Variants in DMD observed in about 807,000 individuals in gnomAD.
The protein encoded by DMD is mutant dystrophin.
A neutral mutation model predicts 330.1 loss-of-function variants in DMD; 63 were observed. The observed-to-expected ratio is 0.19, with a 90% CI of 0.16 to 0.24. DMD has a LOEUF of 0.24. Among genes scored for constraint, DMD ranks in the 10% least tolerant of loss-of-function variants. DMD has a pLI of 1.00. For missense variants in DMD, 3,344 were observed against 2,684.1 expected, an observed-to-expected ratio of 1.25 and a Z score of -5.43; for synonymous variants, 1,223 against 959.8, an observed-to-expected ratio of 1.27 and a Z score of -5.07.
At chrX:32,468,159 T>C (rs192280265) in intron 23 of DMD, among the ~76,000 whole-genome samples, 442 of 110,568 alleles carry the variant, frequency 4.0e-3, no homozygotes, top group African/African-American at 0.01. Flanking sequence ...ATAACTTTTT[T>C]CTAGTCATAA....
At chrX:32,171,941 C>T (rs941460195) in intron 44 of DMD, among the ~76,000 whole-genome samples, 2 of 111,336 alleles carry the variant, frequency 1.8e-5, no homozygotes, top group African/African-American at 3.3e-5. Context: ...AATCAAATTC[C>T]TCTTAATGTC....
chrX:32,505,078 C>G (rs1883635884), intron 18 of DMD, among the ~76,000 whole-genome samples: 1 of 111,210 alleles, frequency 9.0e-6, no homozygotes, highest in South Asian at 3.8e-4. Flanking sequence ...TAGCAGATAG[C>G]AGTGGAGAAA....
At chrX:33,232,557 T>G (rs1252649664) in intron 1 of DMD, among the ~76,000 whole-genome samples, 1 of 111,557 alleles carries the variant, frequency 9.0e-6, no homozygotes, top group Non-Finnish European at 1.9e-5. Flanking sequence ...AAGTTCAACT[T>G]CACTTGGTTG....
At chrX:32,313,301 C>A (rs1200910650) in intron 41 of DMD, among the ~76,000 whole-genome samples, 3 of 111,129 alleles carry the variant, frequency 2.7e-5, no homozygotes, top group African/African-American at 9.8e-5. Flanking sequence ...ACCAAAAAAA[C>A]CACATGATTA....
rs150077240 is a variant in DMD at position 33,081,679 on chromosome X, A to C, written c.32-61479T>G. 7.9e-3 allele frequency among the ~76,000 whole-genome samples: 887 copies of C among 111,968 alleles called. 8 individuals are homozygous for C. Among genetic ancestry groups the C allele is most frequent in the African/African-American group, 0.028 (851 of 30,837 alleles). On this transcript the variant is annotated intron_variant, in intron 1 of 78. Transcript: ENST00000357033. ...TCATGGGAGTCTGATCTCCCAGTGG[A>C]GGGTGAGGAATGTTTCCTTATCTTC...
intron 50 of DMD, among the ~76,000 whole-genome samples, chrX:31,815,632 C>T (rs2092605921): frequency 9.0e-6 from 1 of 111,383 alleles, no homozygotes; most frequent in Non-Finnish European, 1.9e-5. Context: ...CTCCTTTTCC[C>T]CAATGTAGTG....
intron 9 of DMD, among the ~76,000 whole-genome samples, chrX:32,696,692 A>G (rs990924617): frequency 4.5e-5 from 5 of 110,861 alleles, no homozygotes; most frequent in Non-Finnish European, 7.6e-5. Context: ...TGAGAGGGGG[A>G]AAAAAACCCC....
intron 12 of DMD, among the ~76,000 whole-genome samples, chrX:32,607,744 T>G (rs1274167799): frequency 9.0e-6 from 1 of 110,645 alleles, no homozygotes; most frequent in Non-Finnish European, 1.9e-5. Context: ...GTGTCTTAGC[T>G]TTCTTGTAAG....
chrX:32,213,925 G>T (rs1190440731), intron 44 of DMD, among the ~76,000 whole-genome samples: 1 of 109,451 alleles, frequency 9.1e-6, no homozygotes, highest in Non-Finnish European at 1.9e-5. Context: ...AGTGAGCTGA[G>T]ATCATGCCAC....
chrX:32,880,779 T>C (rs1406585554), intron 2 of DMD, among the ~76,000 whole-genome samples: 2 of 111,552 alleles, frequency 1.8e-5, no homozygotes, highest in Non-Finnish European at 1.9e-5. Context: ...ACCTCATCTC[T>C]ACTACAAATA....
At chrX:32,455,266 C>G (rs770488728) in intron 25 of DMD, among the ~76,000 whole-genome samples, 1 of 111,045 alleles carries the variant, frequency 9.0e-6, no homozygotes, top group African/African-American at 3.3e-5. Flanking sequence ...CAGAAACTCT[C>G]ATAAATTAAA....
At chrX:32,980,798 G>T (rs967662618) in intron 2 of DMD, among the ~76,000 whole-genome samples, 2 of 111,965 alleles carry the variant, frequency 1.8e-5, no homozygotes, top group Non-Finnish European at 3.8e-5. Context: ...ACATATAGGA[G>T]TCAGACGAAT....
At chrX:31,415,947 G>C (rs2061850935) in intron 60 of DMD, among the ~76,000 whole-genome samples, 1 of 111,399 alleles carries the variant, frequency 9.0e-6, no homozygotes, top group African/African-American at 3.3e-5. Context: ...GATAATAAAG[G>C]TTTATTTCCT....
At chrX:33,212,611 G>A (rs2051961097), upstream of DMD, among the ~76,000 whole-genome samples, 1 of 111,633 alleles carries the variant, frequency 9.0e-6, no homozygotes, top group African/African-American at 3.3e-5. Context: ...CGACTGCAAT[G>A]AGTAATAGAT....
At chrX:32,752,022 T>C (rs149041249) in intron 7 of DMD, among the ~76,000 whole-genome samples, 2,020 of 112,548 alleles carry the variant, frequency 0.018, 49 homozygotes, top group African/African-American at 0.061. Context: ...AGGTAGAAGT[T>C]TGCTGTAGGG....
intron 47 of DMD, among the ~76,000 whole-genome samples, chrX:31,918,156 C>A (rs904524862): frequency 4.4e-5 from 5 of 112,538 alleles, no homozygotes. Flanking sequence ...TTTATGGTAA[C>A]CTACTTTGTA....
chrX:31,469,569 G>A (rs1238646556), intron 59 of DMD, among the ~76,000 whole-genome samples: 2 of 111,786 alleles, frequency 1.8e-5, no homozygotes, highest in Admixed American at 9.5e-5. Context: ...TTCCTTTGGG[G>A]TAGCCTGACC....
chrX:32,514,461 G>A (rs1196652688), intron 18 of DMD, among the ~76,000 whole-genome samples: 1 of 112,196 alleles, frequency 8.9e-6, no homozygotes, highest in East Asian at 2.8e-4. Context: ...TGTTGTTAGT[G>A]CCGGGCGCGG....
rs192835672 is a variant in DMD, at chrX:33,060,245, T to C, written c.32-40045A>G. On this transcript the variant is annotated intron_variant, in intron 1 of 78. Transcript: ENST00000357033. ...GATGGAAAATTATTAAGAGGAAGCATCATGGGTAAGGGAGACTCCTGCTGA... is the reference window on the plus strand; with the variant it reads ...GATGGAAAATTATTAAGAGGAAGCACCATGGGTAAGGGAGACTCCTGCTGA... 3.6e-5 allele frequency among the ~76,000 whole-genome samples: 4 copies of C among 110,801 alleles called. No individual in the cohort carries two copies. The East Asian group carries it at 1.1e-3, about 32-fold the overall frequency.
Sources: allele counts gnomAD v4.1 joint callset (sites outside exome capture counted in the v4.1 genomes callset), GRCh38; gene constraint gnomAD v4.1.1; transcripts MANE v1.5; gene names NCBI Gene and HGNC (gene_info 2026-07-23, HGNC 2026-07-21).